Variants in CCSER2 observed in about 807,000 individuals in gnomAD.
CCSER2 encodes serine-rich coiled-coil domain-containing protein 2.
CCSER2 carries 46 observed loss-of-function variants against 92.3 expected under a neutral mutation model. That is an observed-to-expected ratio of 0.50 (90% confidence interval 0.39 to 0.64). The LOEUF (loss-of-function observed/expected upper bound fraction) is 0.64. Ranked by LOEUF, CCSER2 falls within the 30% of genes least tolerant of loss-of-function variation. The probability of loss-of-function intolerance (pLI) is 0.00; values close to 1 mark genes in which losing one functional copy is unlikely to be tolerated. For synonymous variants in CCSER2, 433 were observed against 431.4 expected, an observed-to-expected ratio of 1.00 and a Z score of -0.04; for missense variants, 1,244 against 1,238.9, an observed-to-expected ratio of 1.00 and a Z score of -0.06.
intron 5 of CCSER2, among the ~76,000 whole-genome samples, chr10:84,433,374 A>G (rs1843900650): frequency 6.6e-6 from 1 of 152,166 alleles, no homozygotes; most frequent in Non-Finnish European, 1.5e-5. Flanking sequence ...TTATGAAATC[A>G]AAACTGTGAC....
At chr10:84,385,156 A>C (rs1460171878) in intron 3 of CCSER2, among the ~76,000 whole-genome samples, 1 of 152,194 alleles carries the variant, frequency 6.6e-6, no homozygotes, top group Non-Finnish European at 1.5e-5. Flanking sequence ...GATTAGAAGA[A>C]TATCATTAAA....
At chr10:84,473,527 A>G (rs1449602589) in intron 8 of CCSER2, among the ~76,000 whole-genome samples, 1 of 152,202 alleles carries the variant, frequency 6.6e-6, no homozygotes, top group African/African-American at 2.4e-5. Flanking sequence ...TATCCTTTTT[A>G]TAGTAGAAAA....
chr10:84,419,918 G>A (rs1843055892), intron 4 of CCSER2, among the ~76,000 whole-genome samples: 2 of 152,188 alleles, frequency 1.3e-5, no homozygotes, highest in African/African-American at 4.8e-5. Context: ...GAAAAATATT[G>A]TAGAACACAG....
intron 9 of CCSER2, among the ~76,000 whole-genome samples, chr10:84,499,586 T>G (rs1350765933): frequency 1.3e-5 from 2 of 152,172 alleles, no homozygotes; most frequent in Non-Finnish European, 2.9e-5. Context: ...ACAAGAGATA[T>G]ATGATGATAA....
At chr10:84,342,192 C>T (rs577495779) in intron 1 of CCSER2, among the ~76,000 whole-genome samples, 1 of 152,288 alleles carries the variant, frequency 6.6e-6, no homozygotes, top group South Asian at 2.1e-4. Context: ...CATTAGCATA[C>T]AAAAGACACT....
intron 1 of CCSER2, among the ~76,000 whole-genome samples, chr10:84,354,329 G>A (rs942479034): frequency 1.3e-5 from 2 of 151,010 alleles, no homozygotes; most frequent in African/African-American, 4.9e-5. Flanking sequence ...TCTTGAACCT[G>A]CTGTAGTCAG....
chr10:84,439,679 A>G (rs1293859102), intron 6 of CCSER2, among the ~76,000 whole-genome samples: 1 of 152,188 alleles, frequency 6.6e-6, no homozygotes, highest in Non-Finnish European at 1.5e-5. Flanking sequence ...ATTCTTGTGG[A>G]TATTTGACTA....
chr10:84,339,632 C>G (rs1469240705), intron 1 of CCSER2, among the ~76,000 whole-genome samples: 1 of 151,780 alleles, frequency 6.6e-6, no homozygotes, highest in African/African-American at 2.4e-5. Flanking sequence ...TGCGCCACCA[C>G]GCCTGGCTGG....
chr10:84,372,254 C>T lies in CCSER2; in HGVS notation c.1202C>T (p.Ser401Phe). Residue 401 changes from serine to phenylalanine, a missense_variant, in exon 2 of 10, where the codon TCT becomes TTT. By Grantham distance (155) the Ser-to-Phe change is radical. Coordinates refer to ENST00000372088, the MANE Select transcript of CCSER2 (RefSeq NM_001284240.2). Reference sequence around the variant, plus strand: ...GATGTGGATGACATTTCCTTGTCGTCTTTGTCATCTTCTGATAAGAATGAT... The same window carrying T: ...GATGTGGATGACATTTCCTTGTCGTTTTTGTCATCTTCTGATAAGAATGAT... ...SDDVDDISLS[S>F]LSSSDKNDLS... is the part of the protein sequence containing the mutation. 1.2e-6 allele frequency: 2 copies of T among 1,612,950 alleles called. No homozygotes were observed. The highest frequency in any genetic ancestry group is 1.7e-6 in the Non-Finnish European group (2 of 1,179,176).
chr10:84,474,771 A>T (rs1167186033), intron 8 of CCSER2, among the ~76,000 whole-genome samples: 1 of 152,156 alleles, frequency 6.6e-6, no homozygotes, highest in African/African-American at 2.4e-5. Context: ...CCATGGATAC[A>T]TGATGAATAG....
At chr10:84,457,217 ACATAT>A in intron 6 of CCSER2, among the ~76,000 whole-genome samples, 2 of 110,940 alleles carry the variant, frequency 1.8e-5, no homozygotes, top group African/African-American at 3.6e-5. Flanking sequence ...TATATATATT[ACATAT>A]TATATATAAA....
intron 9 of CCSER2, among the ~76,000 whole-genome samples, chr10:84,510,472 T>A (rs1849293246): frequency 6.6e-6 from 1 of 152,204 alleles, no homozygotes; most frequent in African/African-American, 2.4e-5. Context: ...CAGCTCCAGA[T>A]TTTCTCACTC....
At chr10:84,468,762 C>G (rs1017168720) in intron 7 of CCSER2, among the ~76,000 whole-genome samples, 4 of 152,104 alleles carry the variant, frequency 2.6e-5, no homozygotes, top group African/African-American at 9.7e-5. Context: ...TATAGGTTTT[C>G]TCTTTCTAAG....
intron 1 of CCSER2, among the ~76,000 whole-genome samples, chr10:84,345,824 T>C (rs1844444162): frequency 1.3e-5 from 2 of 152,166 alleles, no homozygotes; most frequent in Non-Finnish European, 2.9e-5. Context: ...ATTATAATGA[T>C]AATTATTGAA....
intron 7 of CCSER2, among the ~76,000 whole-genome samples, chr10:84,465,237 ATTTGTGTGTGTGTGTGTG>A (rs1846323849): frequency 1.1e-5 from 1 of 93,556 alleles, no homozygotes; most frequent in Non-Finnish European, 2.1e-5. Flanking sequence ...TCTTTCCTGA[ATTTGTGTGTGTGTGTGTG>A]TGTGTGTGTG....
chr10:84,376,982 C>G (rs12416215), intron 3 of CCSER2, among the ~76,000 whole-genome samples: 8,856 of 152,026 alleles, frequency 0.058, 367 homozygotes, highest in Admixed American at 0.1. Context: ...GATATATCCT[C>G]TTCTGTGAAG....
intron 1 of CCSER2, among the ~76,000 whole-genome samples, chr10:84,354,539 A>G (rs1256018133): frequency 8.6e-6 from 1 of 116,944 alleles, no homozygotes; most frequent in Non-Finnish European, 1.7e-5. Flanking sequence ...TCTCTGTGCC[A>G]CCCCCCGCCC....
At chr10:84,463,867 C>A in intron 6 of CCSER2, 66 bp from the exon 7 acceptor site, 2 of 1,105,230 alleles carry the variant, frequency 1.8e-6, no homozygotes, top group South Asian at 2.7e-5. Context: ...TGGGTAAATT[C>A]AGGTTGAACT....
At position 84,490,814 on chromosome 10, in the gene CCSER2, C is replaced by G. The variant is rs979191861; in HGVS notation, c.2325+13150C>G. 1.6e-4 allele frequency among the ~76,000 whole-genome samples: 24 copies of G among 152,220 alleles called. 1 individual carries two copies. Among genetic ancestry groups the G allele is most frequent in the Non-Finnish European group, 8.8e-5 (6 of 68,034 alleles). On this transcript the variant is annotated intron_variant, in intron 9 of 9. Transcript: ENST00000372088. ...GCGTTCCTTTGGAGGGGGAGAGGTG[C>G]TCTGATTTTTAGAATTTTCAGCTTT...
Sources: allele counts gnomAD v4.1 joint callset (sites outside exome capture counted in the v4.1 genomes callset), GRCh38; gene constraint gnomAD v4.1.1; transcripts MANE v1.5; gene names NCBI Gene and HGNC (gene_info 2026-07-23, HGNC 2026-07-21).